TRHDE: variants seen among roughly 807,000 people sequenced by gnomAD.
The protein encoded by TRHDE is thyrotropin releasing hormone degrading enzyme, also known as thyrotropin-releasing hormone-degrading ectoenzyme.
Under a neutral mutation model 125.7 loss-of-function variants are expected in TRHDE, and 72 were observed. The ratio of observed to expected loss-of-function variants is 0.57; its 90% CI spans 0.47 to 0.70. The LOEUF (loss-of-function observed/expected upper bound fraction) is 0.70. Among genes scored for constraint, TRHDE ranks in the 30% least tolerant of loss-of-function variants. The pLI is 0.00. For missense variants in TRHDE, 1,110 were observed against 1,327.1 expected, an observed-to-expected ratio of 0.84 and a Z score of 2.54; for synonymous variants, 509 against 509.1, an observed-to-expected ratio of 1.00 and a Z score of 0.00.
intron 6 of TRHDE, among the ~76,000 whole-genome samples, chr12:72,532,933 C>T (rs1373029529): frequency 2.0e-5 from 3 of 150,526 alleles, no homozygotes; most frequent in African/African-American, 7.4e-5. Flanking sequence ...TTTACATTGT[C>T]CAGTTTGCAT....
intron 2 of TRHDE, among the ~76,000 whole-genome samples, chr12:72,231,041 A>T (rs1221099308): frequency 6.6e-6 from 1 of 152,232 alleles, no homozygotes; most frequent in Admixed American, 6.5e-5. Context: ...ACATTTATCA[A>T]CACTTAGATA....
chr12:72,467,757 G>A (rs544015623), intron 3 of TRHDE, among the ~76,000 whole-genome samples: 22 of 152,306 alleles, frequency 1.4e-4, no homozygotes, highest in African/African-American at 5.1e-4. Context: ...GGAGGTTGCG[G>A]TGAGCCGAGA....
At chr12:72,655,164 C>T (rs1018154750) in intron 17 of TRHDE, among the ~76,000 whole-genome samples, 3 of 152,072 alleles carry the variant, frequency 2.0e-5, no homozygotes, top group African/African-American at 7.2e-5. Context: ...CCTTGACCTC[C>T]TGAGTTCAGG....
chr12:72,614,328 A>ATT (rs373295780), intron 12 of TRHDE, among the ~76,000 whole-genome samples: 17,185 of 104,300 alleles, frequency 0.16, 1,238 homozygotes, highest in South Asian at 0.21. Flanking sequence ...ATATATATAT[A>ATT]TATTTTTTTT....
intron 2 of TRHDE, among the ~76,000 whole-genome samples, chr12:72,122,894 G>C (rs1343611432): frequency 6.6e-6 from 1 of 151,844 alleles, no homozygotes; most frequent in Non-Finnish European, 1.5e-5. Context: ...CCTTCTAAAT[G>C]TTTCTTACCT....
chr12:72,224,506 TTGGAATTTGGTTG>T (rs1431287491), intron 2 of TRHDE, among the ~76,000 whole-genome samples: 2 of 152,098 alleles, frequency 1.3e-5, no homozygotes, highest in Non-Finnish European at 2.9e-5. Flanking sequence ...TATTTTTTGC[TTGGAATTTGGTTG>T]TGAGAGCATC....
At chr12:72,104,579 T>A (rs1158772575) in intron 1 of TRHDE, among the ~76,000 whole-genome samples, 4 of 152,246 alleles carry the variant, frequency 2.6e-5, no homozygotes, top group Non-Finnish European at 4.4e-5. Flanking sequence ...AATTAATGGC[T>A]GCTCAAGAAA....
intron 3 of TRHDE, among the ~76,000 whole-genome samples, chr12:72,450,265 C>T (rs1250378628): frequency 6.6e-6 from 1 of 152,020 alleles, no homozygotes; most frequent in Non-Finnish European, 1.5e-5. Flanking sequence ...TTCTATTCTC[C>T]TCCCATCTAA....
intron 2 of TRHDE, among the ~76,000 whole-genome samples, chr12:72,317,726 G>A (rs1868872895): frequency 6.6e-6 from 1 of 152,172 alleles, no homozygotes; most frequent in African/African-American, 2.4e-5. Context: ...ACATGAAAGA[G>A]GGACACCAAT....
At chr12:72,122,975 G>A (rs1342004653) in intron 2 of TRHDE, among the ~76,000 whole-genome samples, 2 of 152,074 alleles carry the variant, frequency 1.3e-5, no homozygotes, top group African/African-American at 4.8e-5. Context: ...ACTGTCTTGA[G>A]TTACACATTT....
intron 15 of TRHDE, among the ~76,000 whole-genome samples, chr12:72,635,350 C>T (rs1163238620): frequency 8.0e-4 from 122 of 151,910 alleles, no homozygotes; most frequent in African/African-American, 2.7e-3. Context: ...GATGGGGTTG[C>T]TTGTTTTTTT....
At chr12:72,356,232 T>C (rs1870813801) in intron 2 of TRHDE, among the ~76,000 whole-genome samples, 1 of 151,752 alleles carries the variant, frequency 6.6e-6, no homozygotes, top group Non-Finnish European at 1.5e-5. Flanking sequence ...ATCTTGTCCT[T>C]TGCAGGAACA....
At chr12:72,553,817 C>T (rs956159911) in intron 7 of TRHDE, among the ~76,000 whole-genome samples, 3 of 148,882 alleles carry the variant, frequency 2.0e-5, no homozygotes, top group Non-Finnish European at 4.5e-5. Flanking sequence ...CGTCTCCTCT[C>T]CTCTCCTCTT....
intron 12 of TRHDE, among the ~76,000 whole-genome samples, 182 bp from the exon 13 acceptor site, chr12:72,618,709 A>G (rs1220993104): frequency 6.6e-6 from 1 of 152,156 alleles, no homozygotes; most frequent in Non-Finnish European, 1.5e-5. Context: ...AACTCTGCAT[A>G]TATTAAGGTG....
At chr12:72,655,453 T>C (rs1456593990) in intron 17 of TRHDE, among the ~76,000 whole-genome samples, 5 of 152,140 alleles carry the variant, frequency 3.3e-5, no homozygotes, top group African/African-American at 7.2e-5. Context: ...TTTGTTTATG[T>C]TCATCTTCTG....
chr12:72,594,887 G>A (rs977973098), intron 12 of TRHDE, among the ~76,000 whole-genome samples: 10 of 151,830 alleles, frequency 6.6e-5, no homozygotes, highest in South Asian at 2.1e-4. Context: ...TGATAGACTG[G>A]ATTAAGAAAA....
rs1873776999 is a variant in TRHDE, at chr12:72,417,396, T to A, written c.1315+39275T>A. Among the ~76,000 whole-genome samples, 4 of 152,178 alleles carry A rather than the reference T, an allele frequency of 2.6e-5. 1 individual carries two copies. Among genetic ancestry groups the A allele is most frequent in the Middle Eastern group, 6.8e-3 (2 of 294 alleles). Reference sequence around the variant, plus strand: ...CTTTTTATTCTTCAAATTTCACATCTGCTTTGGCTTATTTGATTACTTTTT... The same window carrying A: ...CTTTTTATTCTTCAAATTTCACATCAGCTTTGGCTTATTTGATTACTTTTT... On this transcript the variant is annotated intron_variant, in intron 3 of 18. Transcript: ENST00000261180.
chr12:72,645,517 A>G (rs1277113340), intron 15 of TRHDE, among the ~76,000 whole-genome samples: 1 of 152,150 alleles, frequency 6.6e-6, no homozygotes, highest in Admixed American at 6.6e-5. Flanking sequence ...TGTAAGTCCA[A>G]GAAGCAGAAA....
intron 2 of TRHDE, among the ~76,000 whole-genome samples, chr12:72,326,012 A>C (rs17783131): frequency 0.35 from 53,061 of 152,036 alleles, 9,961 homozygotes; most frequent in Non-Finnish European, 0.43. Flanking sequence ...CAGTTCTCCA[A>C]GTATTTGGCA....
Sources: allele counts gnomAD v4.1 joint callset (sites outside exome capture counted in the v4.1 genomes callset), GRCh38; gene constraint gnomAD v4.1.1; transcripts MANE v1.5; gene names NCBI Gene and HGNC (gene_info 2026-07-23, HGNC 2026-07-21).